The following SDK2 variants were observed in gnomAD, a reference collection of about 807,000 sequenced individuals.
SDK2 encodes the protein sidekick cell adhesion molecule 2.
Under a neutral mutation model 253.9 loss-of-function variants are expected in SDK2, and 105 were observed. The observed-to-expected ratio is 0.41, with a 90% confidence interval of 0.35 to 0.49. The LOEUF (loss-of-function observed/expected upper bound fraction) is 0.49, where lower values mean the gene tolerates loss of function less well. Among genes scored for constraint, SDK2 ranks in the 20% least tolerant of loss-of-function variants. The probability of loss-of-function intolerance (pLI) is 0.06; values close to 1 mark genes in which losing one functional copy is unlikely to be tolerated. For synonymous variants in SDK2, 1,249 were observed against 1,234.9 expected (o/e 1.01, Z -0.24); for missense variants, 2,608 against 3,003.0 (o/e 0.87, Z 3.07).
chr17:73,442,546 G>T (rs879321743), intron 5 of SDK2, among the ~76,000 whole-genome samples: 4 of 152,066 alleles, frequency 2.6e-5, no homozygotes, highest in African/African-American at 4.8e-5. Context: ...TCACTATGTT[G>T]GCCAGGCTGG....
intron 1 of SDK2, among the ~76,000 whole-genome samples, chr17:73,603,731 C>A (rs955475477): frequency 2.0e-5 from 3 of 152,232 alleles, no homozygotes; most frequent in African/African-American, 7.2e-5. Context: ...GAAACCAAGG[C>A]TTAGAGAGGT....
At chr17:73,347,342 T>C (rs557945941) in intron 44 of SDK2, among the ~76,000 whole-genome samples, 1 of 152,280 alleles carries the variant, frequency 6.6e-6, no homozygotes, top group African/African-American at 2.4e-5. Flanking sequence ...AGCAAGACCC[T>C]GGCTTAACAA....
intron 2 of SDK2, among the ~76,000 whole-genome samples, chr17:73,474,889 C>T (rs1236299901): frequency 6.6e-6 from 1 of 152,170 alleles, no homozygotes; most frequent in Non-Finnish European, 1.5e-5. Flanking sequence ...GGCTGATAAA[C>T]TCATGAAAAT....
At chr17:73,444,041 A>C (rs1224354354) in intron 5 of SDK2, among the ~76,000 whole-genome samples, 1 of 152,124 alleles carries the variant, frequency 6.6e-6, no homozygotes, top group Non-Finnish European at 1.5e-5. Flanking sequence ...GGAAGGGGGC[A>C]GCTAAGCTGG....
intron 12 of SDK2, among the ~76,000 whole-genome samples, chr17:73,429,664 A>G (rs930860498): frequency 3.3e-5 from 5 of 152,252 alleles, no homozygotes; most frequent in Admixed American, 2.6e-4. Flanking sequence ...TTGCTTTGAC[A>G]GTGATATTGC....
intron 44 of SDK2, among the ~76,000 whole-genome samples, chr17:73,346,947 C>T (rs1303460899): frequency 4.6e-5 from 7 of 152,212 alleles, no homozygotes. Context: ...GTGGCATCCC[C>T]ATCAGCCCCC....
chr17:73,405,782 C>T (rs1447182904), intron 18 of SDK2, among the ~76,000 whole-genome samples: 7 of 149,344 alleles, frequency 4.7e-5, no homozygotes, highest in African/African-American at 1.7e-4. Context: ...TGCAGTGGCG[C>T]GATCTCCGCT....
At chr17:73,564,718 G>C (rs574929462) in intron 1 of SDK2, among the ~76,000 whole-genome samples, 2 of 152,080 alleles carry the variant, frequency 1.3e-5, no homozygotes, top group African/African-American at 4.8e-5. Context: ...CCATCTACTC[G>C]GGAGGCTGAG....
Position 73,440,679 on chromosome 17 carries a change from T to A in SDK2, c.725+133A>T, listed in dbSNP as rs1027780718. 5 of 710,506 alleles carry A rather than the reference T, an allele frequency of 7.0e-6. No homozygotes were observed. In the South Asian group the frequency reaches 7.9e-5, roughly 11 times the overall value. 44.0% of individuals were successfully genotyped at this position (710,506 alleles called of 1,614,324 possible). A position where few individuals can be genotyped will look rare whatever the true frequency, so the allele number is the denominator to read the frequency against. ...CAACCCTCTGACAACAGCCAGCAGG[T>A]CTCCTTGCATCCCTCCTCCCCTGTC... is the stretch of plus-strand genomic sequence containing the variant. On this transcript the variant is annotated intron_variant, in intron 6 of 44. Transcript: ENST00000392650.
At chr17:73,439,249 TGG>T (rs1406925928) in intron 6 of SDK2, among the ~76,000 whole-genome samples, 2 of 152,164 alleles carry the variant, frequency 1.3e-5, no homozygotes, top group African/African-American at 2.4e-5. Flanking sequence ...AAGCAGATGC[TGG>T]TGCCATGTTT....
At chr17:73,548,571 A>G (rs753252852) in intron 1 of SDK2, among the ~76,000 whole-genome samples, 20 of 152,238 alleles carry the variant, frequency 1.3e-4, no homozygotes, top group Admixed American at 6.5e-4. Flanking sequence ...AGAAGCTGGG[A>G]GCACTGGGCT....
chr17:73,479,077 A>G (rs2063705539), intron 2 of SDK2, among the ~76,000 whole-genome samples: 1 of 152,266 alleles, frequency 6.6e-6, no homozygotes, highest in Non-Finnish European at 1.5e-5. Flanking sequence ...ACATTTGTGC[A>G]CACACATGTT....
intron 8 of SDK2, among the ~76,000 whole-genome samples, chr17:73,437,498 C>T (rs1241354140): frequency 6.6e-6 from 1 of 152,154 alleles, no homozygotes; most frequent in Non-Finnish European, 1.5e-5. Context: ...CCTGAAATTA[C>T]TGTAAGTTGG....
chr17:73,566,825 G>A (rs998211498), intron 1 of SDK2, among the ~76,000 whole-genome samples: 9 of 148,616 alleles, frequency 6.1e-5, no homozygotes, highest in East Asian at 2.0e-4. Context: ...AACTTCCTAC[G>A]ACTAGATATG....
At chr17:73,627,488 C>G (rs2046216887) in intron 1 of SDK2, among the ~76,000 whole-genome samples, 1 of 152,222 alleles carries the variant, frequency 6.6e-6, no homozygotes, top group Non-Finnish European at 1.5e-5. Flanking sequence ...GAAACAGGCA[C>G]AGAGGCCACA....
At chr17:73,631,493 G>C (rs981281013) in intron 1 of SDK2, among the ~76,000 whole-genome samples, 3 of 152,182 alleles carry the variant, frequency 2.0e-5, no homozygotes, top group Non-Finnish European at 4.4e-5. Flanking sequence ...CTCAAGCCAG[G>C]GCAGCCAGAG....
At chr17:73,419,831 C>T (rs901861312) in intron 15 of SDK2, among the ~76,000 whole-genome samples, 1 of 150,614 alleles carries the variant, frequency 6.6e-6, no homozygotes, top group African/African-American at 2.5e-5. Flanking sequence ...CTGCAGTGAG[C>T]TGTGTTTGCA....
chr17:73,576,351 C>T (rs561801186), intron 1 of SDK2, among the ~76,000 whole-genome samples: 6 of 151,748 alleles, frequency 4.0e-5, no homozygotes, highest in Admixed American at 6.6e-5. Flanking sequence ...ATGGGAAGCG[C>T]GTCCCAAGGA....
chr17:73,525,270 T>C (rs9914644), intron 1 of SDK2, among the ~76,000 whole-genome samples: 118,606 of 152,042 alleles, frequency 0.78, 46,415 homozygotes, highest in African/African-American at 0.82. Context: ...CTCGAGGGGG[T>C]GAACGCCAGG....
Sources: gnomAD v4.1 joint callset for allele counts (sites outside exome capture counted in the v4.1 genomes callset) on GRCh38, gnomAD v4.1.1 for gene constraint, MANE v1.5 for transcripts, NCBI Gene and HGNC (gene_info 2026-07-23, HGNC 2026-07-21) for gene names.